The following PSMD5 variants were observed in gnomAD, a reference collection of about 807,000 sequenced individuals.
PSMD5 encodes the protein 26S proteasome non-ATPase regulatory subunit 5.
In PSMD5, 40 loss-of-function variants were observed where a neutral mutation model predicts 52.1. The observed-to-expected ratio is 0.77, with a 90% CI of 0.60 to 1.00. The LOEUF (loss-of-function observed/expected upper bound fraction) is 1.00. PSMD5 is among the 50% of genes least tolerant of loss of function. PSMD5 has a pLI of 0.00. For missense variants in PSMD5, 575 were observed against 605.2 expected, an observed-to-expected ratio of 0.95 and a Z score of 0.52; for synonymous variants, 211 against 226.6, an observed-to-expected ratio of 0.93 and a Z score of 0.62.
intron 5 of PSMD5, among the ~76,000 whole-genome samples, chr9:120,827,561 G>GT (rs1049090931): frequency 1.8e-4 from 27 of 151,972 alleles, no homozygotes; most frequent in South Asian, 4.2e-4. Flanking sequence ...CCATTTACAG[G>GT]TTTTTTTCTA....
chr9:120,826,280 C>T (rs1177880334), intron 6 of PSMD5, among the ~76,000 whole-genome samples: 1 of 152,186 alleles, frequency 6.6e-6, no homozygotes, highest in East Asian at 1.9e-4. Context: ...AGGCATGAGC[C>T]ACTGCGCCCG....
At chr9:120,822,148 A>T (rs1460107210) in intron 7 of PSMD5, among the ~76,000 whole-genome samples, 1 of 152,132 alleles carries the variant, frequency 6.6e-6, no homozygotes, top group Non-Finnish European at 1.5e-5. Flanking sequence ...ATCCTAATGG[A>T]TATGAAGTGA....
intron 7 of PSMD5, among the ~76,000 whole-genome samples, chr9:120,821,833 T>G (rs1277239757): frequency 6.6e-6 from 1 of 152,254 alleles, no homozygotes; most frequent in Admixed American, 6.5e-5. Context: ...TGCTGTAGCA[T>G]GTGCCAGAAT....
intron 4 of PSMD5, among the ~76,000 whole-genome samples, chr9:120,830,561 G>A (rs540397179): frequency 3.9e-5 from 6 of 152,256 alleles, no homozygotes; most frequent in African/African-American, 1.4e-4. Context: ...GAAACTGAGA[G>A]GTAGAAGGAA....
chr9:120,829,300 T>C (rs2045144726), intron 4 of PSMD5, 92 bp from the exon 5 acceptor site: 1 of 1,294,626 alleles, frequency 7.7e-7, no homozygotes, highest in South Asian at 2.2e-5. Flanking sequence ...TAGGACTAGG[T>C]ACTTTTTATA....
At chr9:120,833,906 C>T (rs1395516219) in intron 1 of PSMD5, among the ~76,000 whole-genome samples, 2 of 151,048 alleles carry the variant, frequency 1.3e-5, no homozygotes, top group Admixed American at 6.6e-5. Flanking sequence ...GAACTCCTGA[C>T]CTCAGGTGAT....
chr9:120,841,763 GAT>G (rs2045240139), intron 1 of PSMD5: 1 of 152,092 alleles, frequency 6.6e-6, no homozygotes, highest in African/African-American at 2.4e-5. Context: ...TGCCACACAC[GAT>G]ATGTTATATT....
chr9:120,834,555 G>A (rs372266865), intron 1 of PSMD5, among the ~76,000 whole-genome samples: 7 of 152,318 alleles, frequency 4.6e-5, no homozygotes, highest in African/African-American at 1.4e-4. Flanking sequence ...ATACTTTCAA[G>A]GAACAAGTAG....
intron 9 of PSMD5, 87 bp downstream of exon 9, chr9:120,820,752 G>C (rs1389821965): frequency 7.4e-7 from 1 of 1,355,074 alleles, no homozygotes; most frequent in Non-Finnish European, 9.8e-7. Context: ...TGCATCCCCA[G>C]AGATGGCACA....
rs1004618250 is a variant in PSMD5, at chr9:120,840,977, C to T, written c.173+1760G>A. On this transcript the variant is annotated intron_variant, in intron 1 of 9. Transcript: ENST00000210313. ...CCATGTTGGCCAGGATGGTCTCGAT[C>T]TCTTGACCTGGTGATCTGCCCGCCT... Among the ~76,000 whole-genome samples the T allele has an allele frequency of 5.3e-5, 8 of 152,152 alleles. No individual in the cohort carries two copies. In the East Asian group the frequency reaches 1.6e-3, roughly 30 times the overall value.
At chr9:120,826,733 C>T (rs375735648) in intron 6 of PSMD5, 32 bp downstream of exon 6, 13 of 1,604,604 alleles carry the variant, frequency 8.1e-6, no homozygotes, top group Non-Finnish European at 1.0e-5. Context: ...AAAACACGCA[C>T]CATCATTTCC....
In PSMD5 at chr9:120,817,806, T is replaced by C. The variant is rs2045053230; in HGVS notation, c.*100A>G. The C allele has an allele frequency of 7.0e-6, 9 of 1,287,154 alleles. No individual in the cohort carries two copies. The highest frequency in any genetic ancestry group is 1.5e-5 in the African/African-American group (1 of 67,164). The allele number at this position is 1,287,154 out of a possible 1,614,324, so 79.7% of individuals were successfully genotyped here. Reference sequence around the variant, plus strand: ...AACATCTGACATTCCATGATAATTCTTGGGGAAAGGAAGTCTCTTTTGTGA... The same window carrying C: ...AACATCTGACATTCCATGATAATTCCTGGGGAAAGGAAGTCTCTTTTGTGA... On this transcript the variant is annotated 3_prime_UTR_variant, in exon 10 of 10. Coordinates refer to ENST00000210313, the MANE Select transcript of PSMD5 (RefSeq NM_005047.4).
intron 1 of PSMD5, among the ~76,000 whole-genome samples, chr9:120,839,725 T>C (rs2045220395): frequency 6.6e-6 from 1 of 151,544 alleles, no homozygotes; most frequent in Non-Finnish European, 1.5e-5. Context: ...GATCAAATTA[T>C]CAAATACAAA....
intron 1 of PSMD5, among the ~76,000 whole-genome samples, chr9:120,841,265 C>T (rs1440851471): frequency 6.6e-6 from 1 of 152,050 alleles, no homozygotes; most frequent in Non-Finnish European, 1.5e-5. Flanking sequence ...ATATACCCTG[C>T]GATTTTCTTT....
chr9:120,818,091 G>A lies in PSMD5; in HGVS notation c.1330C>T (p.Arg444Trp), dbSNP rs143084016. The A allele has an allele frequency of 1.5e-5, 24 of 1,614,024 alleles. No homozygotes were observed. Among genetic ancestry groups the A allele is most frequent in the African/African-American group, 2.7e-5 (2 of 74,914 alleles). ...GAAGCTTTGTCATGCTCCACAGACC[G>A]GTCCACCACATATTCTACAAAACCT... is the stretch of plus-strand genomic sequence containing the variant. The part of the protein sequence containing the change: ...SPGFVEYVVD[R>W]SVEHDKASKD... The change falls in exon 10 of 10, where the codon CGG becomes TGG. Residue 444 changes from arginine (R) to tryptophan (W), a missense_variant. Transcript: ENST00000210313.
intron 1 of PSMD5, among the ~76,000 whole-genome samples, chr9:120,841,437 G>A (rs1256724221): frequency 2.6e-5 from 4 of 152,050 alleles, no homozygotes; most frequent in African/African-American, 7.2e-5. Context: ...AAATTAGCCG[G>A]GCGTGGTGGC....
intron 1 of PSMD5, among the ~76,000 whole-genome samples, chr9:120,838,805 A>C (rs940423158): frequency 1.3e-5 from 2 of 152,204 alleles, no homozygotes; most frequent in Non-Finnish European, 2.9e-5. Context: ...AGGTTGGACA[A>C]GGTGGCCACT....
At chr9:120,828,963 C>T in intron 5 of PSMD5, 136 bp downstream of exon 5, 1 of 1,199,368 alleles carries the variant, frequency 8.3e-7, no homozygotes, top group Non-Finnish European at 1.1e-6. Flanking sequence ...TCTAAAGATC[C>T]CTCCTTCAGG....
rs17347837 is a variant in PSMD5 at position 120,817,242 on chromosome 9, T to A, written c.*664A>T. ...AGAAAAAAAAAGATAGTGAAGAGAA[T>A]CCAGAAATAATTTGGTGGCAGGTTT... On this transcript the variant is annotated 3_prime_UTR_variant, in exon 10 of 10. Transcript: ENST00000210313. 1 of 152,132 alleles carries A rather than the reference T, an allele frequency of 6.6e-6. No homozygotes were observed. Among genetic ancestry groups the A allele is most frequent in the African/African-American group, 2.4e-5 (1 of 41,426 alleles). The allele number at this position is 152,132 out of a possible 1,614,324, so 9.4% of individuals were successfully genotyped here. A position where few individuals can be genotyped will look rare whatever the true frequency, so the allele number is the denominator to read the frequency against.
Sources: allele counts gnomAD v4.1 joint callset (sites outside exome capture counted in the v4.1 genomes callset), GRCh38; gene constraint gnomAD v4.1.1; transcripts MANE v1.5; gene names NCBI Gene and HGNC (gene_info 2026-07-23, HGNC 2026-07-21).